The following L3MBTL3 variants were observed in gnomAD, a reference collection of about 807,000 sequenced individuals.
The protein encoded by L3MBTL3 is lethal(3)malignant brain tumor-like protein 3.
In L3MBTL3, 27 loss-of-function variants were observed where a neutral mutation model predicts 102.3. The ratio of observed to expected loss-of-function variants is 0.26; its 90% CI spans 0.19 to 0.36. The LOEUF is 0.36. Among genes scored for constraint, L3MBTL3 ranks in the 10% least tolerant of loss-of-function variants. The pLI, the probability that L3MBTL3 is intolerant of heterozygous loss-of-function variation, is 1.00. For synonymous variants in L3MBTL3, 340 were observed against 320.9 expected, an observed-to-expected ratio of 1.06 and a Z score of -0.64; for missense variants, 798 against 955.3, an observed-to-expected ratio of 0.84 and a Z score of 2.17.
chr6:130,058,601 A>G (rs976358228), intron 9 of L3MBTL3, among the ~76,000 whole-genome samples: 2 of 152,204 alleles, frequency 1.3e-5, no homozygotes, highest in African/African-American at 4.8e-5. Context: ...CAAACAAAAC[A>G]CATACAAAAA....
chr6:130,029,904 A>G (rs965780508), intron 2 of L3MBTL3, among the ~76,000 whole-genome samples: 1 of 152,086 alleles, frequency 6.6e-6, no homozygotes, highest in African/African-American at 2.4e-5. Context: ...GTTCACTGCA[A>G]CTTCTGCCTC....
intron 20 of L3MBTL3, among the ~76,000 whole-genome samples, chr6:130,123,814 C>T (rs981870006): frequency 1.3e-5 from 2 of 151,996 alleles, no homozygotes; most frequent in South Asian, 2.1e-4. Context: ...AGCTTTGGTC[C>T]GAAACCAAGG....
intron 18 of L3MBTL3, 140 bp from the exon 19 acceptor site, chr6:130,104,286 A>T: frequency 1.9e-6 from 1 of 519,096 alleles, no homozygotes; most frequent in East Asian, 3.4e-5. Context: ...TGTATGTATG[A>T]TTATAAAATA....
intron 13 of L3MBTL3, among the ~76,000 whole-genome samples, chr6:130,073,012 G>C (rs1208286032): frequency 6.6e-6 from 1 of 152,098 alleles, no homozygotes; most frequent in Admixed American, 6.6e-5. Context: ...AGTTTGATTT[G>C]CTGATTGAAA....
At chr6:130,118,683 A>G (rs1357056489) in intron 19 of L3MBTL3, among the ~76,000 whole-genome samples, 1 of 152,238 alleles carries the variant, frequency 6.6e-6, no homozygotes, top group Non-Finnish European at 1.5e-5. Context: ...CTGTGTTTAT[A>G]TATTCCCAGG....
chr6:130,088,497 T>C lies in L3MBTL3; in HGVS notation c.1518+2247T>C, dbSNP rs1306311083. ...TAAGTTTTTCAGGGATAAAATCAACTCAAGTAAAATCATCTTTTAAGATTA... is the reference window on the plus strand; with the variant it reads ...TAAGTTTTTCAGGGATAAAATCAACCCAAGTAAAATCATCTTTTAAGATTA... On this transcript the variant is annotated intron_variant, in intron 16 of 22. Coordinates refer to ENST00000361794, the MANE Select transcript of L3MBTL3 (RefSeq NM_032438.4). Among the ~76,000 whole-genome samples, 4 of 152,328 alleles carry C rather than the reference T, an allele frequency of 2.6e-5. No individual in the cohort carries two copies. In the East Asian group the frequency reaches 7.7e-4, roughly 29 times the overall value.
In L3MBTL3 at chr6:130,042,692, A is replaced by T; in HGVS notation, c.-8A>T. The T allele has an allele frequency of 2.5e-6, 4 of 1,601,038 alleles. No homozygotes were observed. The highest frequency in any genetic ancestry group is 3.4e-6 in the Non-Finnish European group (4 of 1,168,370). ...CTTCTTTTCCCCTTTCAGGTTAAAAAATAAATCATGACTGAATCTGCCTCT... is the reference window on the plus strand; with the variant it reads ...CTTCTTTTCCCCTTTCAGGTTAAAATATAAATCATGACTGAATCTGCCTCT... On this transcript the variant is annotated 5_prime_UTR_variant, in exon 3 of 23. Transcript: ENST00000361794.
rs1459776516 is a variant in L3MBTL3, at chr6:130,140,588, G to T, written c.*835G>T. 5 of 152,220 alleles carry T rather than the reference G, an allele frequency of 3.3e-5. No homozygotes were observed. Among genetic ancestry groups the T allele is most frequent in the African/African-American group, 1.2e-4 (5 of 41,442 alleles). 9.4% of individuals were successfully genotyped at this position (152,220 alleles called of 1,614,324 possible). On this transcript the variant is annotated 3_prime_UTR_variant, in exon 23 of 23. Coordinates refer to ENST00000361794, the MANE Select transcript of L3MBTL3 (RefSeq NM_032438.4). ...TCAGAGGAGTACGCAGTTGTATGCAGTTATGGTTGGGGGGAATGTTTGTGA... is the reference window on the plus strand; with the variant it reads ...TCAGAGGAGTACGCAGTTGTATGCATTTATGGTTGGGGGGAATGTTTGTGA...
At chr6:130,035,576 A>G (rs1245810386) in intron 2 of L3MBTL3, among the ~76,000 whole-genome samples, 4 of 152,256 alleles carry the variant, frequency 2.6e-5, no homozygotes, top group Admixed American at 6.5e-5. Context: ...ATACTTTTGC[A>G]CTAGTGCCAG....
intron 20 of L3MBTL3, among the ~76,000 whole-genome samples, chr6:130,131,573 G>A (rs1417634812): frequency 6.6e-6 from 1 of 152,208 alleles, no homozygotes; most frequent in African/African-American, 2.4e-5. Flanking sequence ...TGGGTCTCGC[G>A]CAAGAAAGAA....
chr6:130,029,887 A>C (rs1779600810), intron 2 of L3MBTL3, among the ~76,000 whole-genome samples: 1 of 151,984 alleles, frequency 6.6e-6, no homozygotes, highest in African/African-American at 2.4e-5. Flanking sequence ...TGGGTGGTAC[A>C]ATCTTGGTTC....
intron 20 of L3MBTL3, among the ~76,000 whole-genome samples, chr6:130,132,773 T>TC (rs1486097390): frequency 6.6e-6 from 1 of 152,076 alleles, no homozygotes; most frequent in Non-Finnish European, 1.5e-5. Flanking sequence ...GTAGGGTTTT[T>TC]TTTTTTCTTT....
chr6:130,084,899 G>A (rs1014337785), intron 15 of L3MBTL3, among the ~76,000 whole-genome samples: 1 of 151,974 alleles, frequency 6.6e-6, no homozygotes, highest in Non-Finnish European at 1.5e-5. Context: ...CCATGATCTC[G>A]TCTCACTACA....
chr6:130,057,679 CAT>C (rs750343129), intron 9 of L3MBTL3, among the ~76,000 whole-genome samples, 182 bp downstream of exon 9: 4 of 152,264 alleles, frequency 2.6e-5, no homozygotes, highest in Admixed American at 2.0e-4. Flanking sequence ...ATGTGCCACA[CAT>C]GTGCCATGTG....
At chr6:130,096,923 G>A (rs376451269) in intron 18 of L3MBTL3, among the ~76,000 whole-genome samples, 12 of 152,314 alleles carry the variant, frequency 7.9e-5, no homozygotes, top group East Asian at 5.8e-4. Flanking sequence ...TAAAGAACCC[G>A]TATTCATTTT....
chr6:130,092,972 C>A, intron 17 of L3MBTL3, 113 bp downstream of exon 17: 1 of 588,854 alleles, frequency 1.7e-6, no homozygotes, highest in East Asian at 2.9e-5. Context: ...TGTTTCTTCT[C>A]TATGTAATCC....
At chr6:130,099,704 C>T (rs886278756) in intron 18 of L3MBTL3, among the ~76,000 whole-genome samples, 80 of 152,266 alleles carry the variant, frequency 5.3e-4, no homozygotes, top group African/African-American at 1.8e-3. Context: ...ACTTGACCCA[C>T]GTTCTATAGG....
intron 20 of L3MBTL3, among the ~76,000 whole-genome samples, chr6:130,124,364 T>C (rs1168331442): frequency 6.6e-6 from 1 of 152,106 alleles, no homozygotes; most frequent in Non-Finnish European, 1.5e-5. Context: ...GTTTGGTCTG[T>C]TTTTCTTTGA....
intron 16 of L3MBTL3, among the ~76,000 whole-genome samples, chr6:130,089,727 G>C (rs1168728280): frequency 1.3e-5 from 2 of 151,860 alleles, no homozygotes; most frequent in African/African-American, 4.8e-5. Context: ...TCCAGCATCT[G>C]TTGTTTCCTG....
Sources: allele counts gnomAD v4.1 joint callset (sites outside exome capture counted in the v4.1 genomes callset), GRCh38; gene constraint gnomAD v4.1.1; transcripts MANE v1.5; gene names NCBI Gene and HGNC (gene_info 2026-07-23, HGNC 2026-07-21).